The following PLEKHM2 variants were observed in gnomAD, a reference collection of about 807,000 sequenced individuals.
The protein encoded by PLEKHM2 is pleckstrin homology and RUN domain containing M2, also known as pleckstrin homology domain-containing family M member 2.
Under a neutral mutation model 116.3 loss-of-function variants are expected in PLEKHM2, and 77 were observed. The observed-to-expected ratio is 0.66, with a 90% CI of 0.55 to 0.80. The LOEUF (loss-of-function observed/expected upper bound fraction) is 0.80. Among genes scored for constraint, PLEKHM2 ranks in the 30% least tolerant of loss-of-function variants. The pLI is 0.00. For missense variants in PLEKHM2, 1,183 were observed against 1,354.9 expected (o/e 0.87, Z 1.99); for synonymous variants, 562 against 571.0 (o/e 0.98, Z 0.22).
intron 7 of PLEKHM2, among the ~76,000 whole-genome samples, 196 bp from the exon 8 acceptor site, chr1:15,725,121 C>T (rs1446847709): frequency 1.3e-5 from 2 of 152,194 alleles, no homozygotes; most frequent in African/African-American, 4.8e-5. Flanking sequence ...GATGGTGTTC[C>T]TTCCAAGTTG....
chr1:15,732,086 C>T, intron 17 of PLEKHM2, 38 bp downstream of exon 17: 1 of 1,587,684 alleles, frequency 6.3e-7, no homozygotes, highest in Non-Finnish European at 8.6e-7. Context: ...CCTGGCTTGC[C>T]TGACCCACCC....
At chr1:15,732,879 C>T (rs965144167) in intron 19 of PLEKHM2, among the ~76,000 whole-genome samples, 151 bp downstream of exon 19, 4 of 152,218 alleles carry the variant, frequency 2.6e-5, no homozygotes, top group African/African-American at 4.8e-5. Flanking sequence ...GCCTCAGCCC[C>T]GGGGGTGAGT....
chr1:15,709,879 G>C (rs1352162566), intron 1 of PLEKHM2, among the ~76,000 whole-genome samples: 1 of 152,116 alleles, frequency 6.6e-6, no homozygotes, highest in Admixed American at 6.6e-5. Flanking sequence ...TGGATAGGAA[G>C]ACTCAATATT....
At chr1:15,730,075 CGGGG>C in intron 14 of PLEKHM2, 146 bp downstream of exon 14, 1 of 173,622 alleles carries the variant, frequency 5.8e-6, no homozygotes, top group African/African-American at 2.6e-5. Context: ...CGGGGCGGGG[CGGGG>C]CTTTCCCACC....
Position 15,729,176 on chromosome 1 carries a change from T to C in PLEKHM2, c.2061T>C (p.Asp687=). ...RRKQFLLDTA[D]VALAEFFLAS... is the part of the protein sequence containing the mutation. ...AGCAGTTTCTGCTGGACACGGCTGA[T>C]GTGGCGCTGGCTGAGTGAGTGGCAA... Residue 687 remains aspartate (D), a synonymous_variant, in exon 13 of 20, where the codon GAT becomes GAC. Coordinates refer to ENST00000375799, the MANE Select transcript of PLEKHM2 (RefSeq NM_015164.4). This position sits in a 1 kb window ranked among gnomAD's most constrained non-coding sequence, Gnocchi z 4.7. The C allele has an allele frequency of 6.2e-7, 1 of 1,610,876 alleles. No homozygotes were observed. Among genetic ancestry groups the C allele is most frequent in the Non-Finnish European group, 8.5e-7 (1 of 1,178,652 alleles).
chr1:15,703,029 C>G (rs1266250802), intron 1 of PLEKHM2, among the ~76,000 whole-genome samples: 1 of 152,206 alleles, frequency 6.6e-6, no homozygotes, highest in Non-Finnish European at 1.5e-5. Context: ...AGCGCCCAGC[C>G]CTCAGGTGGG....
chr1:15,722,487 C>T (rs536380508), intron 7 of PLEKHM2, among the ~76,000 whole-genome samples: 1 of 152,236 alleles, frequency 6.6e-6, no homozygotes, highest in South Asian at 2.1e-4. Context: ...TGGGCCACTT[C>T]CAGCCTGGAA....
intron 1 of PLEKHM2, among the ~76,000 whole-genome samples, chr1:15,688,521 G>A (rs10927829): frequency 0.038 from 5,742 of 151,936 alleles, 370 homozygotes; most frequent in African/African-American, 0.13. Flanking sequence ...GTGTGGTGGC[G>A]CGTGCCTGTA....
At chr1:15,720,253 C>T in intron 6 of PLEKHM2, 11 of 793,194 alleles carry the variant, frequency 1.4e-5, no homozygotes, top group Non-Finnish European at 1.7e-5. Flanking sequence ...ACCTGGAAAC[C>T]TTGTCGCAGG....
At chr1:15,686,550 G>C (rs550979561) in intron 1 of PLEKHM2, among the ~76,000 whole-genome samples, 1 of 151,408 alleles carries the variant, frequency 6.6e-6, no homozygotes, top group African/African-American at 2.4e-5. Context: ...GTGTGATCTC[G>C]GCTCACTACA....
intron 1 of PLEKHM2, among the ~76,000 whole-genome samples, chr1:15,690,063 T>C (rs1640858692): frequency 6.9e-6 from 1 of 145,628 alleles, no homozygotes; most frequent in Non-Finnish European, 1.5e-5. Context: ...GCCGAGGTTT[T>C]TTTTTTTTTT....
Position 15,734,070 on chromosome 1 carries a change from G to A in PLEKHM2, c.*136G>A. 2 of 972,804 alleles carry A rather than the reference G, an allele frequency of 2.1e-6. No homozygotes were observed. Among genetic ancestry groups the A allele is most frequent in the Non-Finnish European group, 2.9e-6 (2 of 678,614 alleles). 60.3% of individuals were successfully genotyped at this position (972,804 alleles called of 1,614,324 possible). A position where few individuals can be genotyped will look rare whatever the true frequency, so the allele number is the denominator to read the frequency against. Reference sequence around the variant, plus strand: ...CTGGGCGGCAGAACCACCGAGTGTGGCTTAAGACAGGGTCCCTCCACTCCA... The same window carrying A: ...CTGGGCGGCAGAACCACCGAGTGTGACTTAAGACAGGGTCCCTCCACTCCA... On this transcript the variant is annotated 3_prime_UTR_variant, in exon 20 of 20. Coordinates refer to ENST00000375799, the MANE Select transcript of PLEKHM2 (RefSeq NM_015164.4).
Position 15,725,516 on chromosome 1 carries a change from G to C in PLEKHM2, c.912G>C (p.Pro304=), listed in dbSNP as rs374305593. The C allele has an allele frequency of 6.4e-7, 1 of 1,573,620 alleles. No homozygotes were observed. Among genetic ancestry groups the C allele is most frequent in the Admixed American group, 1.8e-5 (1 of 54,434 alleles). ...EKEEAQALDP[P]DACTELEVIR... ...AGGAGGCCCAGGCCCTGGACCCGCC[G>C]GATGCCTGCACGGAGCTCGAGGTCA... is the stretch of plus-strand genomic sequence containing the variant. The change falls in exon 8 of 20, where the codon CCG becomes CCC. Residue 304 remains proline (P), a synonymous_variant. Coordinates refer to ENST00000375799, the MANE Select transcript of PLEKHM2 (RefSeq NM_015164.4).
intron 1 of PLEKHM2, among the ~76,000 whole-genome samples, chr1:15,693,114 C>G (rs1432443894): frequency 6.6e-6 from 1 of 151,382 alleles, no homozygotes; most frequent in African/African-American, 2.4e-5. Context: ...AATCTCGGCT[C>G]ACTGCAACCT....
At position 15,733,946 on chromosome 1, in the gene PLEKHM2, T is replaced by C. The variant is rs759289109; in HGVS notation, c.*12T>C. On this transcript the variant is annotated 3_prime_UTR_variant, in exon 20 of 20. Coordinates refer to ENST00000375799, the MANE Select transcript of PLEKHM2 (RefSeq NM_015164.4). ...ACCCCTGGTGCTGAGGCAGAGCTGG[T>C]TGGCGTCCCTGGTGGGCAGGAAAGG... 6 of 1,607,976 alleles carry C rather than the reference T, an allele frequency of 3.7e-6. No individual in the cohort carries two copies. Among genetic ancestry groups the C allele is most frequent in the Non-Finnish European group, 5.1e-6 (6 of 1,177,416 alleles).
At position 15,729,716 on chromosome 1, in the gene PLEKHM2, C is replaced by A; in HGVS notation, c.2076-81C>A. Reference sequence around the variant, plus strand: ...CCCAAGTTTCTGTGACCCCTCCAGGCCAGCAGCGCTCAAGACTAAGCCCTG... The same window carrying A: ...CCCAAGTTTCTGTGACCCCTCCAGGACAGCAGCGCTCAAGACTAAGCCCTG... On this transcript the variant is annotated intron_variant, in intron 13 of 19. Transcript: ENST00000375799. The surrounding 1 kb of genome is among the most constrained non-coding windows in gnomAD (Gnocchi z 4.7). 1.5e-6 allele frequency: 2 copies of A among 1,317,012 alleles called. No individual in the cohort carries two copies. Among genetic ancestry groups the A allele is most frequent in the Non-Finnish European group, 1.0e-6 (1 of 955,334 alleles). 81.6% of individuals were successfully genotyped at this position (1,317,012 alleles called of 1,614,324 possible).
At chr1:15,702,181 G>A (rs769177927) in intron 1 of PLEKHM2, among the ~76,000 whole-genome samples, 2 of 152,170 alleles carry the variant, frequency 1.3e-5, no homozygotes, top group Non-Finnish European at 2.9e-5. Flanking sequence ...ATTCCCAGAC[G>A]CAAGGTGGGC....
chr1:15,729,279 G>C lies in PLEKHM2; in HGVS notation c.2075+89G>C, dbSNP rs2068107296. 4 of 1,048,772 alleles carry C rather than the reference G, an allele frequency of 3.8e-6. No homozygotes were observed. In the South Asian group the frequency reaches 5.4e-5, roughly 14 times the overall value. The allele number at this position is 1,048,772 out of a possible 1,614,324, so 65.0% of individuals were successfully genotyped here. The stretch of plus-strand genomic sequence containing the variant: ...GGCCTGGGGGTCAGGGGTGGAGGTG[G>C]AAAGTGGGAGATCCAGGAGGGGAAA... On this transcript the variant is annotated intron_variant, in intron 13 of 19. Transcript: ENST00000375799. The surrounding 1 kb of genome is among the most constrained non-coding windows in gnomAD (Gnocchi z 4.7).
At chr1:15,726,262 A>C (rs2068062326) in intron 8 of PLEKHM2, among the ~76,000 whole-genome samples, 1 of 152,240 alleles carries the variant, frequency 6.6e-6, no homozygotes, top group South Asian at 2.1e-4. Context: ...TGGGCAGGAC[A>C]TGGAAAGGAA....
Sources: gnomAD v4.1 joint callset for allele counts (sites outside exome capture counted in the v4.1 genomes callset) on GRCh38, gnomAD v4.1.1 for gene constraint, Gnocchi (gnomAD v3.1) non-coding constraint, MANE v1.5 for transcripts, NCBI Gene and HGNC (gene_info 2026-07-23, HGNC 2026-07-21) for gene names.